The following NGEF variants were observed in gnomAD, a reference collection of about 807,000 sequenced individuals.
NGEF encodes ephexin-1.
Under a neutral mutation model 80.9 loss-of-function variants are expected in NGEF, and 31 were observed. That is an observed-to-expected ratio of 0.38 (90% CI 0.29 to 0.52). The LOEUF is 0.52. NGEF is among the 20% of genes least tolerant of loss of function. The probability of loss-of-function intolerance (pLI) is 0.84; values close to 1 mark genes in which losing one functional copy is unlikely to be tolerated. For missense variants in NGEF, 709 were observed against 926.2 expected, an observed-to-expected ratio of 0.77 and a Z score of 3.04; for synonymous variants, 371 against 370.2, an observed-to-expected ratio of 1.00 and a Z score of -0.03.
chr2:232,880,603 G>C (rs1691465120), intron 14 of NGEF, among the ~76,000 whole-genome samples: 1 of 152,260 alleles, frequency 6.6e-6, no homozygotes, highest in African/African-American at 2.4e-5. Context: ...ACACACAGAT[G>C]TGATTTGAAA....
At chr2:232,907,147 A>AG (rs1306740004) in intron 5 of NGEF, among the ~76,000 whole-genome samples, 1 of 148,124 alleles carries the variant, frequency 6.8e-6, no homozygotes, top group Non-Finnish European at 1.5e-5. Flanking sequence ...GAAACACCCA[A>AG]GAATGATCAA....
chr2:232,920,181 G>A, intron 5 of NGEF, 103 bp downstream of exon 5: 2 of 1,146,302 alleles, frequency 1.7e-6, no homozygotes, highest in South Asian at 1.5e-5. Flanking sequence ...TTCCTCTGGT[G>A]AACCAGCCAG....
chr2:232,885,483 C>G, intron 9 of NGEF, 114 bp from the exon 10 acceptor site: 1 of 820,064 alleles, frequency 1.2e-6, no homozygotes, highest in Non-Finnish European at 2.0e-6. Flanking sequence ...AGACACTGTG[C>G]CCACAGCTGA....
intron 1 of NGEF, among the ~76,000 whole-genome samples, chr2:232,994,205 A>G (rs111430312): frequency 0.1 from 15,344 of 152,006 alleles, 835 homozygotes; most frequent in Middle Eastern, 0.17. Context: ...CCCCATCTCT[A>G]CTAAAAATAC....
At chr2:232,887,879 C>G (rs559259217) in intron 9 of NGEF, among the ~76,000 whole-genome samples, 154 bp downstream of exon 9, 5 of 152,220 alleles carry the variant, frequency 3.3e-5, no homozygotes, top group South Asian at 2.1e-4. Flanking sequence ...TTTTTTTAAG[C>G]CCCAGTGACT....
Position 232,879,147 on chromosome 2 carries a change from G to A in NGEF, c.*342C>T, listed in dbSNP as rs1256928661. The stretch of plus-strand genomic sequence containing the variant: ...GCCTCCCACAGGGACACTCTGGGTT[G>A]GGAGCCTCTTCCAGTCCCTGGGGGC... On this transcript the variant is annotated 3_prime_UTR_variant, in exon 15 of 15. Coordinates refer to ENST00000264051, the MANE Select transcript of NGEF (RefSeq NM_019850.3). The A allele has an allele frequency of 3.2e-5, 7 of 217,852 alleles. No homozygotes were observed. The highest frequency in any genetic ancestry group is 1.4e-4 in the African/African-American group (6 of 44,082). 13.5% of individuals were successfully genotyped at this position (217,852 alleles called of 1,614,324 possible).
intron 3 of NGEF, among the ~76,000 whole-genome samples, chr2:232,950,867 C>T (rs186106013): frequency 5.1e-5 from 7 of 137,938 alleles, no homozygotes; most frequent in African/African-American, 1.6e-4. Flanking sequence ...GACTTCACCA[C>T]ATGCTTCAGA....
In NGEF at chr2:232,980,349, C is replaced by T. The variant is rs1694387640; in HGVS notation, c.-74-5385G>A. ...CACCAGCTACTGCAGGGGAGGAAGG[C>T]ACAGGGCATGTGGGGAGGAGCAAGG... On this transcript the variant is annotated intron_variant, in intron 1 of 14. Coordinates refer to ENST00000264051, the MANE Select transcript of NGEF (RefSeq NM_019850.3). 2.0e-5 allele frequency among the ~76,000 whole-genome samples: 3 copies of T among 152,046 alleles called. 1 individual carries two copies. In the South Asian group the frequency reaches 6.2e-4, roughly 32 times the overall value.
At chr2:232,928,700 TC>T (rs1276269378) in intron 3 of NGEF, among the ~76,000 whole-genome samples, 1 of 152,114 alleles carries the variant, frequency 6.6e-6, no homozygotes, top group Non-Finnish European at 1.5e-5. Context: ...CGGAGGTCTT[TC>T]CCGGGCGAGT....
chr2:232,889,719 C>T (rs1291732063), intron 8 of NGEF, among the ~76,000 whole-genome samples: 1 of 152,202 alleles, frequency 6.6e-6, no homozygotes, highest in Non-Finnish European at 1.5e-5. Context: ...CCCTCACGTT[C>T]GTATCTCCAT....
In NGEF at chr2:232,879,519, G is replaced by T; in HGVS notation, c.2103C>A (p.Arg701=). 1 of 1,610,992 alleles carries T rather than the reference G, an allele frequency of 6.2e-7. No homozygotes were observed. The highest frequency in any genetic ancestry group is 1.3e-5 in the African/African-American group (1 of 74,870). The change falls in exon 15 of 15, where the codon CGC becomes CGA. Residue 701 remains arginine (R), a synonymous_variant. Coordinates refer to ENST00000264051, the MANE Select transcript of NGEF (RefSeq NM_019850.3). ...GCCGATTCCGGCTGCCCAGCTTCCT[G>T]CGGTCCTTGTTCTGGCTGCGCTGAG... ...DDPQRSQNKD[R]RKLGSRNRQ is the part of the protein sequence containing the mutation.
intron 1 of NGEF, among the ~76,000 whole-genome samples, chr2:232,998,040 G>A (rs1459619442): frequency 1.3e-5 from 2 of 152,184 alleles, no homozygotes; most frequent in African/African-American, 2.4e-5. Flanking sequence ...GAGGTCACAG[G>A]GCCGAGAAGA....
At chr2:232,922,690 G>A (rs1214101761) in intron 4 of NGEF, among the ~76,000 whole-genome samples, 1 of 152,234 alleles carries the variant, frequency 6.6e-6, no homozygotes, top group Non-Finnish European at 1.5e-5. Flanking sequence ...AAGTTTCACA[G>A]GTTGACTTGG....
At chr2:233,000,189 G>A (rs939317200) in intron 1 of NGEF, among the ~76,000 whole-genome samples, 7 of 152,126 alleles carry the variant, frequency 4.6e-5, no homozygotes, top group East Asian at 1.9e-4. Context: ...TCCACCACCC[G>A]GACTCAAGCG....
At chr2:232,926,382 A>G (rs1003327769) in intron 4 of NGEF, among the ~76,000 whole-genome samples, 2 of 150,546 alleles carry the variant, frequency 1.3e-5, no homozygotes, top group Non-Finnish European at 3.0e-5. Context: ...TTGGGTCACT[A>G]TTTGAATCCA....
intron 1 of NGEF, among the ~76,000 whole-genome samples, chr2:233,004,092 G>A (rs997961210): frequency 4.6e-5 from 7 of 152,098 alleles, no homozygotes; most frequent in African/African-American, 1.4e-4. Flanking sequence ...CTTGATCTCT[G>A]TCACGATCAT....
intron 1 of NGEF, among the ~76,000 whole-genome samples, chr2:233,007,450 C>T (rs1198354903): frequency 6.6e-6 from 1 of 152,094 alleles, no homozygotes; most frequent in Non-Finnish European, 1.5e-5. Flanking sequence ...CGTGGGTCTC[C>T]AGTGGGGACA....
chr2:232,960,951 A>G (rs1693938862), intron 3 of NGEF, among the ~76,000 whole-genome samples: 1 of 152,138 alleles, frequency 6.6e-6, no homozygotes, highest in South Asian at 2.1e-4. Context: ...TGACATATGT[A>G]AGTTGGCTTC....
At chr2:232,882,402 C>G in intron 12 of NGEF, 137 bp from the exon 13 acceptor site, 1 of 770,704 alleles carries the variant, frequency 1.3e-6, no homozygotes. Flanking sequence ...ACCCCAGGGA[C>G]AGCTCGGGGG....
Sources: gnomAD v4.1 joint callset for allele counts (sites outside exome capture counted in the v4.1 genomes callset) on GRCh38, gnomAD v4.1.1 for gene constraint, MANE v1.5 for transcripts, NCBI Gene and HGNC (gene_info 2026-07-23, HGNC 2026-07-21) for gene names.